SLC30A4: variants seen among roughly 807,000 people sequenced by gnomAD.
The protein encoded by SLC30A4 is probable proton-coupled zinc antiporter SLC30A4.
Under a neutral mutation model 41.7 loss-of-function variants are expected in SLC30A4, and 20 were observed. The observed-to-expected ratio is 0.48, with a 90% CI of 0.34 to 0.70. The LOEUF is 0.70. SLC30A4 is among the 30% of genes least tolerant of loss of function. SLC30A4 has a pLI of 0.01. For missense variants in SLC30A4, 441 were observed against 529.3 expected (o/e 0.83, Z 1.64); for synonymous variants, 181 against 195.9 (o/e 0.92, Z 0.64).
intron 3 of SLC30A4, among the ~76,000 whole-genome samples, chr15:45,491,993 T>A (rs1891818840): frequency 6.6e-6 from 1 of 152,132 alleles, no homozygotes; most frequent in Non-Finnish European, 1.5e-5. Flanking sequence ...TTTTTAAAAA[T>A]CAAAAGTTTG....
chr15:45,484,026 T>C lies in SLC30A4; in HGVS notation c.*1137A>G, dbSNP rs1595519968. On this transcript the variant is annotated 3_prime_UTR_variant, in exon 8 of 8. Transcript: ENST00000261867. The stretch of plus-strand genomic sequence containing the variant: ...TGTATTTTAGGGTTTCTGGAGTCCA[T>C]GGAGAATCCCTAACCCATATCATAA... 6.6e-6 allele frequency: 1 copy of C among 152,546 alleles called. No homozygotes were observed. Among genetic ancestry groups the C allele is most frequent in the East Asian group, 1.9e-4 (1 of 5,206 alleles). 9.4% of individuals were successfully genotyped at this position (152,546 alleles called of 1,614,324 possible). A position where few individuals can be genotyped will look rare whatever the true frequency, so the allele number is the denominator to read the frequency against.
intron 3 of SLC30A4, among the ~76,000 whole-genome samples, chr15:45,508,410 G>C (rs986991956): frequency 6.6e-6 from 1 of 152,034 alleles, no homozygotes; most frequent in African/African-American, 2.4e-5. Flanking sequence ...CACTGGGAAC[G>C]GCTTCCCACT....
chr15:45,512,597 T>A (rs1264991012), intron 2 of SLC30A4: 1 of 152,170 alleles, frequency 6.6e-6, no homozygotes, highest in East Asian at 1.9e-4. Flanking sequence ...TTCCCCGGCA[T>A]GAAAAAGCTG....
chr15:45,498,130 A>AG (rs1478408916), intron 3 of SLC30A4, among the ~76,000 whole-genome samples: 2 of 152,232 alleles, frequency 1.3e-5, no homozygotes, highest in Admixed American at 6.5e-5. Context: ...GCTTAAAAAA[A>AG]CTATATATAG....
intron 2 of SLC30A4, among the ~76,000 whole-genome samples, chr15:45,513,017 G>T (rs1429880916): frequency 6.6e-6 from 1 of 151,784 alleles, no homozygotes; most frequent in Non-Finnish European, 1.5e-5. Flanking sequence ...AAGAAAAATG[G>T]GGCCAGGTGC....
chr15:45,509,092 T>C (rs1275189654), intron 3 of SLC30A4, among the ~76,000 whole-genome samples: 4 of 152,160 alleles, frequency 2.6e-5, no homozygotes, highest in Non-Finnish European at 4.4e-5. Flanking sequence ...CATGATGATA[T>C]GTTTACATCT....
At chr15:45,496,157 AATC>A (rs1467895352) in intron 3 of SLC30A4, among the ~76,000 whole-genome samples, 7 of 152,224 alleles carry the variant, frequency 4.6e-5, no homozygotes, top group African/African-American at 1.7e-4. Flanking sequence ...GCAGAAATAT[AATC>A]ATTTATTCTG....
chr15:45,502,690 A>C (rs1892063385), intron 3 of SLC30A4: 1 of 152,104 alleles, frequency 6.6e-6, no homozygotes, highest in Non-Finnish European at 1.5e-5. Context: ...ACTATTAGTG[A>C]CTTTAAAAGG....
At chr15:45,493,003 G>A (rs1891839752) in intron 3 of SLC30A4, among the ~76,000 whole-genome samples, 1 of 152,208 alleles carries the variant, frequency 6.6e-6, no homozygotes, top group African/African-American at 2.4e-5. Context: ...CAGACGCGGT[G>A]GCTTATGCCT....
At chr15:45,500,519 T>C (rs1891998122) in intron 3 of SLC30A4, among the ~76,000 whole-genome samples, 1 of 151,974 alleles carries the variant, frequency 6.6e-6, no homozygotes, top group South Asian at 2.1e-4. Flanking sequence ...GAAGAAAAAA[T>C]TCCCTTCTGA....
At chr15:45,486,793 G>C in intron 6 of SLC30A4, 48 bp from the exon 7 acceptor site, 1 of 1,153,338 alleles carries the variant, frequency 8.7e-7, no homozygotes, top group Non-Finnish European at 1.2e-6. Flanking sequence ...TGGAAATAAA[G>C]GAACTTTTAC....
intron 3 of SLC30A4, among the ~76,000 whole-genome samples, chr15:45,498,752 G>GTGA (rs1891954806): frequency 6.6e-6 from 1 of 152,166 alleles, no homozygotes; most frequent in Admixed American, 6.6e-5. Flanking sequence ...TTTATTTGAT[G>GTGA]TGATTAAATT....
intron 3 of SLC30A4, among the ~76,000 whole-genome samples, chr15:45,501,868 T>C (rs1008818599): frequency 2.6e-5 from 4 of 152,152 alleles, no homozygotes. Flanking sequence ...TAACTCATCA[T>C]CTAGGAGACA....
chr15:45,500,547 C>A lies in SLC30A4; in HGVS notation c.539-9666G>T, dbSNP rs985804919. 7.2e-5 allele frequency among the ~76,000 whole-genome samples: 11 copies of A among 152,076 alleles called. 1 individual carries two copies. The highest frequency in any genetic ancestry group is 1.2e-4 in the Non-Finnish European group (8 of 67,968). ...CCTTCTGACAAATTTCTTTCTATAC[C>A]CAAAATGGACCTTTAAGTCAGGTGT... On this transcript the variant is annotated intron_variant, in intron 3 of 7. Coordinates refer to ENST00000261867, the MANE Select transcript of SLC30A4 (RefSeq NM_013309.6).
At chr15:45,522,508 A>C in intron 1 of SLC30A4, 40 bp from the exon 2 acceptor site, 9 of 748,076 alleles carry the variant, frequency 1.2e-5, no homozygotes, top group Non-Finnish European at 1.8e-5. Flanking sequence ...AAGGCGCCCA[A>C]CCCTGTCCTC....
At chr15:45,501,050 G>A (rs866832208) in intron 3 of SLC30A4, among the ~76,000 whole-genome samples, 118 of 148,896 alleles carry the variant, frequency 7.9e-4, no homozygotes, top group African/African-American at 2.7e-3. Context: ...GCTCACGCCT[G>A]TAATCCCAGC....
chr15:45,515,213 A>G (rs1170612723), intron 2 of SLC30A4, among the ~76,000 whole-genome samples: 1 of 151,752 alleles, frequency 6.6e-6, no homozygotes, highest in East Asian at 1.9e-4. Context: ...TTTTTAGTGA[A>G]GATAAGCTCT....
At chr15:45,490,635 A>G (rs1891793462) in intron 4 of SLC30A4, 93 bp downstream of exon 4, 2 of 757,740 alleles carry the variant, frequency 2.6e-6, no homozygotes, top group Non-Finnish European at 2.1e-6. Context: ...TTTTTAAAAT[A>G]TCAAAATATC....
At chr15:45,498,845 T>C (rs1279463458) in intron 3 of SLC30A4, among the ~76,000 whole-genome samples, 1 of 152,200 alleles carries the variant, frequency 6.6e-6, no homozygotes, top group Non-Finnish European at 1.5e-5. Context: ...TAGGAGATTA[T>C]AGGTTATTTT....
Sources: allele counts gnomAD v4.1 joint callset (sites outside exome capture counted in the v4.1 genomes callset), GRCh38; gene constraint gnomAD v4.1.1; transcripts MANE v1.5; gene names NCBI Gene and HGNC (gene_info 2026-07-23, HGNC 2026-07-21).